ACO2: variants seen among roughly 807,000 people sequenced by gnomAD.
The protein encoded by ACO2 is aconitate hydratase, mitochondrial.
Under a neutral mutation model 84.5 loss-of-function variants are expected in ACO2, and 31 were observed. That is an observed-to-expected ratio of 0.37 (90% CI 0.28 to 0.50). The LOEUF (loss-of-function observed/expected upper bound fraction) is 0.50, where lower values mean the gene tolerates loss of function less well. ACO2 is among the 20% of genes least tolerant of loss of function. The probability of loss-of-function intolerance (pLI) is 0.97; values close to 1 mark genes in which losing one functional copy is unlikely to be tolerated. For missense variants in ACO2, 685 were observed against 1,029.3 expected, an observed-to-expected ratio of 0.67 and a Z score of 4.58; for synonymous variants, 414 against 412.7, an observed-to-expected ratio of 1.00 and a Z score of -0.04.
chr22:41,525,771 T>C (rs1056465021), intron 14 of ACO2: 2 of 219,832 alleles, frequency 9.1e-6, no homozygotes, highest in African/African-American at 4.6e-5. Context: ...TGGGATGGCT[T>C]GTGTTTGGCA....
rs1435647399 is a variant in ACO2, at chr22:41,526,762, AGG to A, written c.1953+313_1953+314del. 23 of 364,044 alleles carry A rather than the reference AGG, an allele frequency of 6.3e-5. No homozygotes were observed. In the South Asian group the frequency reaches 1.1e-3, roughly 18 times the overall value. The allele number at this position is 364,044 out of a possible 1,614,324, so 22.6% of individuals were successfully genotyped here. A position where few individuals can be genotyped will look rare whatever the true frequency, so the allele number is the denominator to read the frequency against. ...GAAGTCAGAGGCCAAAAGCTCAGAGAGGGGGCTACACGGGGCCTCACAGTGAG... is the reference window on the plus strand; with the variant it reads ...GAAGTCAGAGGCCAAAAGCTCAGAGAGGGCTACACGGGGCCTCACAGTGAG... On this transcript the variant is annotated intron_variant, in intron 15 of 17. Coordinates refer to ENST00000216254, the MANE Select transcript of ACO2 (RefSeq NM_001098.3).
intron 4 of ACO2, 140 bp downstream of exon 4, chr22:41,512,108 C>G (rs2066437810): frequency 3.5e-6 from 2 of 579,270 alleles, no homozygotes; most frequent in African/African-American, 4.0e-5. Flanking sequence ...GCTCTTCCTC[C>G]TTTGTTTTGA....
chr22:41,518,900 C>T (rs189508498), intron 8 of ACO2, among the ~76,000 whole-genome samples: 7 of 152,274 alleles, frequency 4.6e-5, no homozygotes, highest in Non-Finnish European at 8.8e-5. Flanking sequence ...CAGCCGAGAT[C>T]GCACCACTGC....
Position 41,469,159 on chromosome 22 carries a change from A to G in ACO2, c.13A>G (p.Ser5Gly), listed in dbSNP as rs985900616. ...GTCAGTGCACAAAATGGCGCCCTAC[A>G]GCCTACTGGTGACTCGGCTGCAGGT... The part of the protein sequence containing the change: MAPY[S>G]LLVTRLQKAL... Residue 5 changes from serine (S) to glycine (G), a missense_variant, in exon 1 of 18, where the codon AGC (serine) becomes GGC (glycine). Physicochemically the swap from Ser to Gly is moderately conservative, Grantham distance 56. Coordinates refer to ENST00000216254, the MANE Select transcript of ACO2 (RefSeq NM_001098.3). 1.2e-6 allele frequency: 2 copies of G among 1,609,498 alleles called. No homozygotes were observed. Among genetic ancestry groups the G allele is most frequent in the East Asian group, 2.3e-5 (1 of 44,292 alleles).
chr22:41,494,926 G>T (rs984620948), intron 1 of ACO2, among the ~76,000 whole-genome samples: 1 of 151,858 alleles, frequency 6.6e-6, no homozygotes, highest in African/African-American at 2.4e-5. Context: ...TAGAGATGGG[G>T]TTTTACCATG....
chr22:41,526,050 G>C lies in ACO2; in HGVS notation c.1762-212G>C, dbSNP rs779502330. The C allele has an allele frequency of 2.5e-5, 13 of 514,618 alleles. No individual in the cohort carries two copies. In the Admixed American group the frequency reaches 3.0e-4, roughly 12 times the overall value. 31.9% of individuals were successfully genotyped at this position (514,618 alleles called of 1,614,324 possible). ...CCATAAGGGAGACTGAGCAGCCAGA[G>C]GCCTTTGAGGGGATGAAGGCCTGGC... On this transcript the variant is annotated intron_variant, in intron 14 of 17. Coordinates refer to ENST00000216254, the MANE Select transcript of ACO2 (RefSeq NM_001098.3).
At chr22:41,523,082 G>A in intron 10 of ACO2, 95 bp downstream of exon 10, 1 of 1,569,208 alleles carries the variant, frequency 6.4e-7, no homozygotes, top group African/African-American at 1.3e-5. Flanking sequence ...GCCGGGGCTG[G>A]GGCAGGTCCC....
chr22:41,499,825 G>T lies in ACO2; in HGVS notation c.136G>T (p.Asp46Tyr). 1.2e-6 allele frequency: 2 copies of T among 1,614,142 alleles called. No individual in the cohort carries two copies. Among genetic ancestry groups the T allele is most frequent in the South Asian group, 2.2e-5 (2 of 91,064 alleles). The change falls in exon 2 of 18, where the codon GAC becomes TAC. Residue 46 changes from aspartate (D) to tyrosine (Y), a missense_variant. By Grantham distance (160) the Asp-to-Tyr change is radical. This residue lies in a region of ACO2 where 98 missense variants were observed against 107.6 expected (regional missense o/e 0.91). Coordinates refer to ENST00000216254, the MANE Select transcript of ACO2 (RefSeq NM_001098.3). Reference protein sequence around the residue: ...HFEPNEYIHYDLLEKNINIVR... With the variant: ...HFEPNEYIHYYLLEKNINIVR... ...TGAGCCCAACGAGTACATCCATTAT[G>T]ACCTGCTAGAGAAGAACATTAACAT...
intron 8 of ACO2, among the ~76,000 whole-genome samples, chr22:41,518,981 G>C (rs1284824035): frequency 6.6e-6 from 1 of 152,100 alleles, no homozygotes; most frequent in Non-Finnish European, 1.5e-5. Context: ...TGACTCGTGG[G>C]CCCCTGGGTC....
At chr22:41,510,889 A>T (rs2066428622) in intron 3 of ACO2, among the ~76,000 whole-genome samples, 1 of 152,338 alleles carries the variant, frequency 6.6e-6, no homozygotes, top group East Asian at 1.9e-4. Context: ...ATTTGGGCCC[A>T]TCAAACACAT....
intron 16 of ACO2, chr22:41,527,684 ATG>A (rs1933896601): frequency 1.2e-6 from 1 of 804,052 alleles, no homozygotes; most frequent in Admixed American, 2.9e-5. Context: ...CTGATCATGA[ATG>A]TGCAGCAGGA....
At chr22:41,498,922 C>T (rs1039863289) in intron 1 of ACO2, among the ~76,000 whole-genome samples, 1 of 151,860 alleles carries the variant, frequency 6.6e-6, no homozygotes, top group Non-Finnish European at 1.5e-5. Context: ...GGTGAAACCC[C>T]GTCTCTACTA....
At chr22:41,526,876 G>A (rs1407228496) in intron 15 of ACO2, 13 of 307,362 alleles carry the variant, frequency 4.2e-5, no homozygotes, top group South Asian at 3.9e-4. Flanking sequence ...TGGCCCAGCC[G>A]GGTGAAAGGA....
intron 1 of ACO2, among the ~76,000 whole-genome samples, chr22:41,495,788 A>G (rs967680400): frequency 4.0e-5 from 6 of 150,982 alleles, no homozygotes; most frequent in Non-Finnish European, 7.4e-5. Context: ...GCCGTAGTAG[A>G]GACGGGGTTT....
chr22:41,497,030 C>T (rs535988816), intron 1 of ACO2, among the ~76,000 whole-genome samples: 4 of 152,006 alleles, frequency 2.6e-5, no homozygotes, highest in Admixed American at 6.6e-5. Context: ...CACCAACCAC[C>T]TAGAAGGGAA....
rs535944280 is a variant in ACO2, at chr22:41,477,646, A to C, written c.36+8464A>C. ...GGGTAGTCGTGGGATTGTGTGGATA[A>C]AGTACTTGGGGCAAATCCAGTGCAG... On this transcript the variant is annotated intron_variant, in intron 1 of 17. Coordinates refer to ENST00000216254, the MANE Select transcript of ACO2 (RefSeq NM_001098.3). Among the ~76,000 whole-genome samples the C allele has an allele frequency of 2.0e-5, 3 of 152,214 alleles. No homozygotes were observed. In the South Asian group the frequency reaches 6.2e-4, roughly 32 times the overall value.
intron 1 of ACO2, among the ~76,000 whole-genome samples, chr22:41,488,642 G>T (rs1247576531): frequency 6.6e-6 from 1 of 152,232 alleles, no homozygotes; most frequent in African/African-American, 2.4e-5. Context: ...CACACATGTA[G>T]CTCGTTGCTT....
chr22:41,482,059 T>C (rs2038094287), intron 1 of ACO2, among the ~76,000 whole-genome samples: 1 of 152,196 alleles, frequency 6.6e-6, no homozygotes, highest in African/African-American at 2.4e-5. Flanking sequence ...TCCCTTGTCT[T>C]GCCTAGCCGT....
chr22:41,526,737 G>A (rs1042774005), intron 15 of ACO2: 1 of 391,468 alleles, frequency 2.6e-6, no homozygotes, highest in Non-Finnish European at 4.6e-6. Context: ...GCCGACTCAG[G>A]AAGTCAGAGG....
Sources: gnomAD v4.1 joint callset for allele counts (sites outside exome capture counted in the v4.1 genomes callset) on GRCh38, gnomAD v4.1.1 for gene constraint, gnomAD v4.1.1 regional missense constraint, MANE v1.5 for transcripts, NCBI Gene and HGNC (gene_info 2026-07-23, HGNC 2026-07-21) for gene names.